POGLUT2: variants seen among roughly 807,000 people sequenced by gnomAD.
The protein encoded by POGLUT2 is protein O-glucosyltransferase 2.
A neutral mutation model predicts 57.6 loss-of-function variants in POGLUT2; 47 were observed. The ratio of observed to expected loss-of-function variants is 0.82; its 90% CI spans 0.65 to 1.04. The LOEUF (loss-of-function observed/expected upper bound fraction) is 1.04. Among genes scored for constraint, POGLUT2 ranks in the 50% least tolerant of loss-of-function variants. POGLUT2 has a pLI of 0.00. For synonymous variants in POGLUT2, 200 were observed against 218.8 expected (o/e 0.91, Z 0.76); for missense variants, 565 against 614.8 (o/e 0.92, Z 0.86).
chr13:102,787,683 G>T (rs903634081), intron 8 of POGLUT2, 151 bp downstream of exon 8: 4 of 435,670 alleles, frequency 9.2e-6, no homozygotes, highest in Middle Eastern at 6.0e-4. Context: ...ATTTTTTTAT[G>T]ATTACTTAAT....
intron 4 of POGLUT2, 178 bp downstream of exon 4, chr13:102,793,163 T>TA (rs1878249198): frequency 1.8e-6 from 1 of 545,924 alleles, no homozygotes; most frequent in Non-Finnish European, 3.3e-6. Flanking sequence ...AGCACTTTGT[T>TA]ACGGCAGCCC....
At chr13:102,793,535 T>C in intron 3 of POGLUT2, 66 bp downstream of exon 3, 2 of 1,444,326 alleles carry the variant, frequency 1.4e-6, no homozygotes, top group East Asian at 2.3e-5. Context: ...TAGCTAATTG[T>C]AGCCAAATGT....
intron 4 of POGLUT2, 63 bp from the exon 5 acceptor site, chr13:102,791,493 T>C (rs551848177): frequency 7.0e-7 from 1 of 1,423,752 alleles, no homozygotes; most frequent in Non-Finnish European, 9.5e-7. Flanking sequence ...ATTGTATTTA[T>C]CAATTTAAAT....
rs772193403 is a variant in POGLUT2 at position 102,793,792 on chromosome 13, C to A, written c.403G>T (p.Glu135Ter). ...PYILKGPVYH[E>*]NCDCPLQDSA... is the part of the protein sequence containing the mutation. ...TCTTGCAGAGGACAGTCACAGTTCT[C>A]ATGGTAAACCGGCCCTATTTACATA... Residue 135 changes from glutamate (E) to a stop codon, truncating the protein, a stop_gained, in exon 3 of 10, where the codon GAG becomes TAG. Coordinates refer to ENST00000376004, the MANE Select transcript of POGLUT2 (RefSeq NM_024089.3). LOFTEE classifies it high-confidence loss of function. 1 of 1,614,096 alleles carries A rather than the reference C, an allele frequency of 6.2e-7. No individual in the cohort carries two copies.
intron 6 of POGLUT2, among the ~76,000 whole-genome samples, chr13:102,790,573 A>C (rs897412901): frequency 6.6e-6 from 1 of 152,214 alleles, no homozygotes; most frequent in Non-Finnish European, 1.5e-5. Flanking sequence ...CTCTGGGAAA[A>C]AGTATTTGTA....
chr13:102,787,355 C>T (rs1877989881), intron 8 of POGLUT2, among the ~76,000 whole-genome samples: 1 of 152,170 alleles, frequency 6.6e-6, no homozygotes, highest in African/African-American at 2.4e-5. Flanking sequence ...CCTACTACCA[C>T]ATTTTTAAAA....
rs777896177 is a variant in POGLUT2 at position 102,796,791 on chromosome 13, T to C, written c.388+13A>G. The C allele has an allele frequency of 2.8e-6, 4 of 1,445,410 alleles. No individual in the cohort carries two copies. The highest frequency in any genetic ancestry group is 3.9e-6 in the Non-Finnish European group (4 of 1,032,346). The allele number at this position is 1,445,410 out of a possible 1,614,324, so 89.5% of individuals were successfully genotyped here. ...TTCAAATACTGCTGTTATAAAATTA[T>C]ATTCCAAATTACCTTTTAAAATATA... is the stretch of plus-strand genomic sequence containing the variant. On this transcript the variant is annotated intron_variant, in intron 2 of 9. Transcript: ENST00000376004.
chr13:102,785,815 A>C (rs1877919527), intron 9 of POGLUT2, among the ~76,000 whole-genome samples: 1 of 152,260 alleles, frequency 6.6e-6, no homozygotes, highest in South Asian at 2.1e-4. Context: ...CTTTCAAATG[A>C]AGAATTGGAA....
At chr13:102,797,315 TCTTA>T (rs1265132674) in intron 1 of POGLUT2, among the ~76,000 whole-genome samples, 1 of 152,214 alleles carries the variant, frequency 6.6e-6, no homozygotes, top group Non-Finnish European at 1.5e-5. Flanking sequence ...GGAAAAATAT[TCTTA>T]CTAACTTATT....
At chr13:102,791,764 C>G (rs905760710) in intron 4 of POGLUT2, among the ~76,000 whole-genome samples, 2 of 152,052 alleles carry the variant, frequency 1.3e-5, no homozygotes. Context: ...TGCTAGTGAG[C>G]CAGATGGTTC....
rs115528872 is a variant in POGLUT2 at position 102,793,316 on chromosome 13, C to T, written c.672+25G>A. On this transcript the variant is annotated intron_variant, in intron 4 of 9. Coordinates refer to ENST00000376004, the MANE Select transcript of POGLUT2 (RefSeq NM_024089.3). ...AAATCTGGGCTTAAATTATCTATTA[C>T]AGCTAAGAGAAAATATATACTTACC... 4.9e-3 allele frequency: 6,091 copies of T among 1,248,678 alleles called. 218 individuals carry two copies. In the African/African-American group the frequency reaches 0.075, roughly 15 times the overall value. 77.3% of individuals were successfully genotyped at this position (1,248,678 alleles called of 1,614,324 possible).
Position 102,791,355 on chromosome 13 carries a change from T to C in POGLUT2, c.748A>G (p.Ile250Val). ...CCACACCAGGAAAAGATCGGATGGA[T>C]GTTTGAATTGGATTTCTTTTTTTCC... ...PLEKKKSNSN[I>V]HPIFSWCGST... is the part of the protein sequence containing the mutation. The change falls in exon 5 of 10, where the codon ATC becomes GTC. Residue 250 changes from isoleucine to valine, a missense_variant. By Grantham distance (29) the Ile-to-Val change is conservative. Coordinates refer to ENST00000376004, the MANE Select transcript of POGLUT2 (RefSeq NM_024089.3). 3.1e-6 allele frequency: 5 copies of C among 1,612,940 alleles called. No homozygotes were observed. Among genetic ancestry groups the C allele is most frequent in the Non-Finnish European group, 3.4e-6 (4 of 1,179,752 alleles).
Position 102,789,160 on chromosome 13 carries a change from A to G in POGLUT2, c.1145T>C (p.Val382Ala), listed in dbSNP as rs767863405. 6 of 1,614,188 alleles carry G rather than the reference A, an allele frequency of 3.7e-6. No individual in the cohort carries two copies. Among genetic ancestry groups the G allele is most frequent in the Non-Finnish European group, 5.1e-6 (6 of 1,180,006 alleles). The change falls in exon 7 of 10, where the codon GTT becomes GCT. Residue 382 changes from valine to alanine, a missense_variant. Physicochemically the swap from Val to Ala is moderately conservative, Grantham distance 64. Transcript: ENST00000376004. Reference sequence around the variant, plus strand: ...CTGCTTCAGCACAACACTGTCACCAACTAGCAAATATGGCAGGCGATAAGC... The same window carrying G: ...CTGCTTCAGCACAACACTGTCACCAGCTAGCAAATATGGCAGGCGATAAGC... ...VAAYRLPYLLVGDSVVLKQDS... is the reference protein window; with the variant it reads ...VAAYRLPYLLAGDSVVLKQDS...
chr13:102,791,409 G>T lies in POGLUT2; in HGVS notation c.694C>A (p.Leu232Ile). ...GGCCAGTCTCCCAAATTAACAAAGA[G>T]CTCCACATCTGGCATCTTCACCTAG... ...TRKVKMPDVELFVNLGDWPLE... is the reference protein window; with the variant it reads ...TRKVKMPDVEIFVNLGDWPLE... The change falls in exon 5 of 10, where the codon CTC (leucine) becomes ATC (isoleucine). Residue 232 changes from leucine (L) to isoleucine (I), a missense_variant. Leu to Ile is a conservative substitution (Grantham distance 5, BLOSUM62 2). Coordinates refer to ENST00000376004, the MANE Select transcript of POGLUT2 (RefSeq NM_024089.3). 1.9e-6 allele frequency: 3 copies of T among 1,597,478 alleles called. No homozygotes were observed. Among genetic ancestry groups the T allele is most frequent in the Non-Finnish European group, 2.6e-6 (3 of 1,175,742 alleles).
Position 102,793,380 on chromosome 13 carries a change from T to A in POGLUT2, c.633A>T (p.Arg211Ser). 1.3e-6 allele frequency: 2 copies of A among 1,590,314 alleles called. No homozygotes were observed. Among genetic ancestry groups the A allele is most frequent in the Non-Finnish European group, 1.7e-6 (2 of 1,158,652 alleles). ...IKTHGEHVGF[R>S]IFMDAILLSL... ...AAAGTAGTATGGCATCCATGAAAATTCTAAAACCTACATGTTCACCATGAG... is the reference window on the plus strand; with the variant it reads ...AAAGTAGTATGGCATCCATGAAAATACTAAAACCTACATGTTCACCATGAG... The change falls in exon 4 of 10, where the codon AGA becomes AGT. Residue 211 changes from arginine (R) to serine (S), a missense_variant. Coordinates refer to ENST00000376004, the MANE Select transcript of POGLUT2 (RefSeq NM_024089.3).
intron 9 of POGLUT2, among the ~76,000 whole-genome samples, chr13:102,785,647 T>C (rs1483744603): frequency 6.6e-6 from 1 of 152,228 alleles, no homozygotes; most frequent in Non-Finnish European, 1.5e-5. Context: ...CTAGATGATT[T>C]TGAGCACAAT....
In POGLUT2 at chr13:102,790,816, T is replaced by C. The variant is rs1283520552; in HGVS notation, c.1083+85A>G. On this transcript the variant is annotated intron_variant, in intron 6 of 9. Transcript: ENST00000376004. ...GCTAACTTCTCCCACCTCTTGAAAT[T>C]TGCAGGCCTTAATTTCCCTTCCCAA... is the stretch of plus-strand genomic sequence containing the variant. 17 of 907,182 alleles carry C rather than the reference T, an allele frequency of 1.9e-5. No homozygotes were observed. In the Admixed American group the frequency reaches 3.3e-4, roughly 17 times the overall value. The allele number at this position is 907,182 out of a possible 1,614,324, so 56.2% of individuals were successfully genotyped here.
chr13:102,789,137 G>A lies in POGLUT2; in HGVS notation c.1168C>T (p.Gln390Ter), dbSNP rs776097408. Residue 390 changes from glutamine (Q) to a stop codon, truncating the protein, a stop_gained, in exon 7 of 10, where the codon CAG (glutamine) becomes TAG (stop). Transcript: ENST00000376004. LOFTEE classifies it high-confidence loss of function. ...AAATGTTCATAGTAGATGGAATCCT[G>A]CTTCAGCACAACACTGTCACCAACT... ...LLVGDSVVLKQDSIYYEHFYN... is the reference protein window; with the variant it reads ...LLVGDSVVLK 6.2e-7 allele frequency: 1 copy of A among 1,614,148 alleles called. No homozygotes were observed. Among genetic ancestry groups the A allele is most frequent in the South Asian group, 1.1e-5 (1 of 91,084 alleles).
In POGLUT2 at chr13:102,789,913, A is replaced by G. The variant is rs554766316; in HGVS notation, c.1084-692T>C. 5.3e-5 allele frequency among the ~76,000 whole-genome samples: 8 copies of G among 152,288 alleles called. 1 individual carries two copies. The South Asian group carries it at 1.7e-3, about 32-fold the overall frequency. On this transcript the variant is annotated intron_variant, in intron 6 of 9. Coordinates refer to ENST00000376004, the MANE Select transcript of POGLUT2 (RefSeq NM_024089.3). ...ACGCCTGGCTAACCGTATTTTTTAAACACCCAGACATATGTCTTAAAGAAA... is the reference window on the plus strand; with the variant it reads ...ACGCCTGGCTAACCGTATTTTTTAAGCACCCAGACATATGTCTTAAAGAAA...
Sources: gnomAD v4.1 joint callset for allele counts (sites outside exome capture counted in the v4.1 genomes callset) on GRCh38, gnomAD v4.1.1 for gene constraint, MANE v1.5 for transcripts, NCBI Gene and HGNC (gene_info 2026-07-23, HGNC 2026-07-21) for gene names.